The following HMGXB4 variants were observed in gnomAD, a reference collection of about 807,000 sequenced individuals.
HMGXB4 encodes the protein HMG domain-containing protein 4.
HMGXB4 carries 27 observed loss-of-function variants against 63.9 expected under a neutral mutation model. The ratio of observed to expected loss-of-function variants is 0.42; its 90% confidence interval spans 0.31 to 0.58. The LOEUF is 0.58. HMGXB4 is among the 20% of genes least tolerant of loss of function. The pLI is 0.13. For synonymous variants in HMGXB4, 264 were observed against 265.3 expected (o/e 0.99, Z 0.05); for missense variants, 624 against 700.7 (o/e 0.89, Z 1.24).
chr22:35,275,665 A>G (rs184498637), intron 5 of HMGXB4, among the ~76,000 whole-genome samples: 2 of 152,088 alleles, frequency 1.3e-5, no homozygotes, highest in Non-Finnish European at 2.9e-5. Context: ...GATCACTTAA[A>G]CCTGTTCAAG....
rs113260696 is a variant in HMGXB4 at position 35,261,770 on chromosome 22, G to GC, written c.-68-545dup. 4.8e-3 allele frequency: 722 copies of GC among 151,378 alleles called. 4 individuals carry two copies. Among genetic ancestry groups the GC allele is most frequent in the African/African-American group, 0.014 (558 of 41,192 alleles). The allele number at this position is 151,378 out of a possible 1,614,324, so 9.4% of individuals were successfully genotyped here. The stretch of plus-strand genomic sequence containing the variant: ...ACATAAATTTGAACAAATTCATGTC[G>GC]CCCCCCCCAAAAAATGCAAAAGACA... On this transcript the variant is annotated intron_variant, in intron 1 of 10. Transcript: ENST00000216106.
At chr22:35,264,523 G>C in intron 4 of HMGXB4, 125 bp from the exon 5 acceptor site, 1 of 698,514 alleles carries the variant, frequency 1.4e-6, no homozygotes, top group South Asian at 1.9e-5. Flanking sequence ...TCAGTTAAAG[G>C]GTCTCCCTTC....
chr22:35,264,138 G>T (rs1601625652), intron 4 of HMGXB4: 4 of 1,293,186 alleles, frequency 3.1e-6, no homozygotes, highest in Non-Finnish European at 4.3e-6. Context: ...CTTATCTTGT[G>T]CCCATTGTTA....
rs1170861780 is a variant in HMGXB4 at position 35,264,724 on chromosome 22, G to C, written c.336G>C (p.Leu112=). ...AGTCTACTGATACAGCTATGGACCT[G>C]TTGAAAGCTATCACTTCCCCACTGG... ...SPQSTDTAMD[L]LKAITSPLAA... The change falls in exon 5 of 11, where the codon CTG becomes CTC. Residue 112 remains leucine, a synonymous_variant. Transcript: ENST00000216106. 1 of 1,613,956 alleles carries C rather than the reference G, an allele frequency of 6.2e-7. No homozygotes were observed. Among genetic ancestry groups the C allele is most frequent in the Admixed American group, 1.7e-5 (1 of 60,008 alleles).
intron 5 of HMGXB4, among the ~76,000 whole-genome samples, chr22:35,280,158 G>A (rs5755684): frequency 0.51 from 77,801 of 151,916 alleles, 22,832 homozygotes; most frequent in Non-Finnish European, 0.65. Context: ...GCCATATAAC[G>A]TAATATGACC....
Position 35,287,974 on chromosome 22 carries a change from A to G in HMGXB4, c.1469-264A>G, listed in dbSNP as rs146388819. 8.8e-4 allele frequency among the ~76,000 whole-genome samples: 134 copies of G among 152,248 alleles called. 1 individual carries two copies. Among genetic ancestry groups the G allele is most frequent in the African/African-American group, 3.0e-3 (125 of 41,542 alleles). Reference sequence around the variant, plus strand: ...AAAAAAAAAAAGGTCCAGAGAGTAAATATTATAGGCCTTGTGTGCCGTATG... The same window carrying G: ...AAAAAAAAAAAGGTCCAGAGAGTAAGTATTATAGGCCTTGTGTGCCGTATG... On this transcript the variant is annotated intron_variant, in intron 8 of 10. Coordinates refer to ENST00000216106, the MANE Select transcript of HMGXB4 (RefSeq NM_001003681.3).
chr22:35,256,667 T>C (rs879903633), upstream of HMGXB4, among the ~76,000 whole-genome samples: 1 of 151,984 alleles, frequency 6.6e-6, no homozygotes, highest in East Asian at 1.9e-4. Flanking sequence ...GCCTGGCTAA[T>C]TTTTTGTATT....
chr22:35,276,366 T>A (rs1923913433), intron 5 of HMGXB4, among the ~76,000 whole-genome samples: 1 of 152,208 alleles, frequency 6.6e-6, no homozygotes, highest in Non-Finnish European at 1.5e-5. Context: ...TTTCATTTTT[T>A]AAATTACCTT....
chr22:35,245,186 T>TCACCCGG, the HMGXB4 span, among the ~76,000 whole-genome samples: 1 of 152,114 alleles, frequency 6.6e-6, no homozygotes, highest in Admixed American at 6.6e-5. Flanking sequence ...TTGGTTATTT[T>TCACCCGG]CTAATATTCC....
Position 35,286,010 on chromosome 22 carries a change from T to C in HMGXB4, c.1311T>C (p.Leu437=). ...ADHPGIDFGE[L]SKKLAEVWKQ... is the part of the protein sequence containing the mutation. ...CTTTTATGCCAGATTTTGGGGAACTTAGTAAAAAACTGGCTGAGGTGTGGA... is the reference window on the plus strand; with the variant it reads ...CTTTTATGCCAGATTTTGGGGAACTCAGTAAAAAACTGGCTGAGGTGTGGA... Residue 437 remains leucine, a synonymous_variant, in exon 7 of 11, where the codon CTT becomes CTC. Coordinates refer to ENST00000216106, the MANE Select transcript of HMGXB4 (RefSeq NM_001003681.3). 1 of 1,610,360 alleles carries C rather than the reference T, an allele frequency of 6.2e-7. No homozygotes were observed. Among genetic ancestry groups the C allele is most frequent in the South Asian group, 1.1e-5 (1 of 90,514 alleles).
intron 9 of HMGXB4, 148 bp from the exon 10 acceptor site, chr22:35,292,844 G>A: frequency 1.1e-6 from 1 of 879,126 alleles, no homozygotes; most frequent in Non-Finnish European, 1.7e-6. Context: ...ACAACTTACA[G>A]AGTTATCAAA....
upstream of HMGXB4, among the ~76,000 whole-genome samples, chr22:35,253,942 G>A (rs911629669): frequency 6.6e-6 from 1 of 152,072 alleles, no homozygotes; most frequent in African/African-American, 2.4e-5. Context: ...ATGTCCCTCT[G>A]CCTGTCTCTT....
rs543893262 is a variant in HMGXB4 at position 35,272,060 on chromosome 22, G to A, written c.1215+6457G>A. ...CTGGAACTTGGGTGAGAAATTGGGT[G>A]TTCATGTGTGATAAATGAAATAGGT... On this transcript the variant is annotated intron_variant, in intron 5 of 10. Coordinates refer to ENST00000216106, the MANE Select transcript of HMGXB4 (RefSeq NM_001003681.3). Among the ~76,000 whole-genome samples, 44 of 152,336 alleles carry A rather than the reference G, an allele frequency of 2.9e-4. No homozygotes were observed. The South Asian group carries it at 7.7e-3, about 27-fold the overall frequency.
At chr22:35,258,286 A>T (rs1170762433) in intron 1 of HMGXB4, 2 of 151,738 alleles carry the variant, frequency 1.3e-5, no homozygotes, top group Non-Finnish European at 2.9e-5. Context: ...ACCAACTACT[A>T]CTTGTAGATT....
At chr22:35,268,367 T>C (rs1307465454) in intron 5 of HMGXB4, among the ~76,000 whole-genome samples, 1 of 152,214 alleles carries the variant, frequency 6.6e-6, no homozygotes, top group Non-Finnish European at 1.5e-5. Flanking sequence ...TCTTCCTCCT[T>C]AATATCTTTC....
At chr22:35,286,181 C>T (rs769551470) in intron 7 of HMGXB4, 120 bp downstream of exon 7, 1 of 714,674 alleles carries the variant, frequency 1.4e-6, no homozygotes, top group Non-Finnish European at 2.3e-6. Flanking sequence ...TACAAATCAA[C>T]AGAAAATGGT....
chr22:35,287,717 G>A (rs910841371), intron 8 of HMGXB4, among the ~76,000 whole-genome samples: 1 of 151,900 alleles, frequency 6.6e-6, no homozygotes, highest in African/African-American at 2.4e-5. Context: ...GGGAGGCCAA[G>A]GTGGGCGGAT....
At chr22:35,289,698 A>G (rs145059033) in intron 9 of HMGXB4, among the ~76,000 whole-genome samples, 3 of 152,362 alleles carry the variant, frequency 2.0e-5, no homozygotes, top group African/African-American at 7.2e-5. Flanking sequence ...ACAGTGCTAT[A>G]TGCCCTGGGG....
Position 35,276,386 on chromosome 22 carries a change from C to T in HMGXB4, c.1216-7576C>T, listed in dbSNP as rs534341278. Among the ~76,000 whole-genome samples the T allele has an allele frequency of 7.2e-5, 11 of 152,284 alleles. No individual in the cohort carries two copies. The South Asian group carries it at 1.7e-3, about 23-fold the overall frequency. ...TTTTTTAAATTACCTTAGCTACAAA[C>T]GTCAGAATCACACTTGTGTAACGAG... On this transcript the variant is annotated intron_variant, in intron 5 of 10. Coordinates refer to ENST00000216106, the MANE Select transcript of HMGXB4 (RefSeq NM_001003681.3).
Sources: allele counts gnomAD v4.1 joint callset (sites outside exome capture counted in the v4.1 genomes callset), GRCh38; gene constraint gnomAD v4.1.1; transcripts MANE v1.5; gene names NCBI Gene and HGNC (gene_info 2026-07-23, HGNC 2026-07-21).